CTDSPL2: variants seen among roughly 807,000 people sequenced by gnomAD.
The protein encoded by CTDSPL2 is CTD small phosphatase like 2, also known as CTD small phosphatase-like protein 2.
Under a neutral mutation model 60.0 loss-of-function variants are expected in CTDSPL2, and 5 were observed. That is an observed-to-expected ratio of 0.08 (90% CI 0.04 to 0.18). The LOEUF is 0.18. CTDSPL2 is among the 10% of genes least tolerant of loss of function. The pLI is 1.00. For missense variants in CTDSPL2, 370 were observed against 548.8 expected (o/e 0.67, Z 3.26); for synonymous variants, 186 against 189.3 (o/e 0.98, Z 0.14).
At chr15:44,483,928 T>A (rs1011990891) in intron 2 of CTDSPL2, among the ~76,000 whole-genome samples, 3 of 152,174 alleles carry the variant, frequency 2.0e-5, no homozygotes, top group Admixed American at 6.5e-5. Flanking sequence ...TTTTGAAGAT[T>A]CAGAGCACAT....
chr15:44,456,938 G>A (rs978653913), intron 1 of CTDSPL2, among the ~76,000 whole-genome samples: 11 of 148,074 alleles, frequency 7.4e-5, no homozygotes, highest in African/African-American at 2.8e-4. Flanking sequence ...GTGCAGTGGC[G>A]CGGTATTGGC....
intron 1 of CTDSPL2, among the ~76,000 whole-genome samples, chr15:44,429,870 A>G (rs1479746411): frequency 1.3e-5 from 2 of 152,354 alleles, no homozygotes; most frequent in East Asian, 3.9e-4. Flanking sequence ...CGTCTCAAAA[A>G]AAAAGAATGT....
At chr15:44,428,642 G>T (rs117748485) in intron 1 of CTDSPL2, among the ~76,000 whole-genome samples, 2 of 152,312 alleles carry the variant, frequency 1.3e-5, no homozygotes, top group Non-Finnish European at 2.9e-5. Flanking sequence ...GTTCCTCCGA[G>T]GCAGGGATTT....
intron 1 of CTDSPL2, among the ~76,000 whole-genome samples, chr15:44,454,042 A>G (rs1473745249): frequency 1.3e-5 from 2 of 152,234 alleles, no homozygotes; most frequent in Non-Finnish European, 2.9e-5. Context: ...AGTCCCAGCA[A>G]CAGTGTAAAA....
At chr15:44,488,643 C>G (rs550697540) in intron 4 of CTDSPL2, among the ~76,000 whole-genome samples, 2 of 152,192 alleles carry the variant, frequency 1.3e-5, no homozygotes, top group African/African-American at 4.8e-5. Flanking sequence ...AGAAACCTAT[C>G]TCTACTAAAA....
chr15:44,520,144 TTTTG>T (rs901755661), intron 11 of CTDSPL2: 1 of 150,962 alleles, frequency 6.6e-6, no homozygotes, highest in Non-Finnish European at 1.5e-5. Context: ...TTTTTCTTTT[TTTTG>T]TTTTCCTTTT....
chr15:44,496,431 A>C lies in CTDSPL2; in HGVS notation c.743A>C (p.Tyr248Ser). 1 of 1,613,898 alleles carries C rather than the reference A, an allele frequency of 6.2e-7. No homozygotes were observed. The highest frequency in any genetic ancestry group is 8.5e-7 in the Non-Finnish European group (1 of 1,179,830). The change falls in exon 6 of 13, where the codon TAT becomes TCT. Residue 248 changes from tyrosine (Y) to serine (S), a missense_variant. Transcript: ENST00000260327. Reference protein sequence around the residue: ...GYSSAHAEATYEEDWEVFDPY... With the variant: ...GYSSAHAEATSEEDWEVFDPY... ...TCATCAGCCCACGCGGAGGCCACCT[A>C]TGAAGAAGACTGGGAAGTATTTGAC...
intron 7 of CTDSPL2, among the ~76,000 whole-genome samples, chr15:44,498,460 C>A (rs371978051): frequency 6.6e-6 from 1 of 152,106 alleles, no homozygotes; most frequent in Non-Finnish European, 1.5e-5. Context: ...GTGTTGCAAG[C>A]GTGTAGTCCC....
chr15:44,476,822 T>G (rs150208928), intron 2 of CTDSPL2, among the ~76,000 whole-genome samples: 2 of 152,342 alleles, frequency 1.3e-5, no homozygotes, highest in East Asian at 3.9e-4. Context: ...ATGCATTACT[T>G]TATATAGAAA....
At chr15:44,471,986 A>G (rs1411300640) in intron 2 of CTDSPL2, among the ~76,000 whole-genome samples, 1 of 151,182 alleles carries the variant, frequency 6.6e-6, no homozygotes, top group African/African-American at 2.4e-5. Context: ...AAAAAAAAAG[A>G]GAAAAAACAA....
Position 44,519,244 on chromosome 15 carries a change from T to G in CTDSPL2, c.1188T>G (p.Asp396Glu). 6.4e-7 allele frequency: 1 copy of G among 1,566,084 alleles called. No homozygotes were observed. Among genetic ancestry groups the G allele is most frequent in the Non-Finnish European group, 8.6e-7 (1 of 1,162,858 alleles). ...AGGACTTAAATATTCTTGGAAGAGATCTTTCAAAAACTATAATAATTGACA... is the reference window on the plus strand; with the variant it reads ...AGGACTTAAATATTCTTGGAAGAGAGCTTTCAAAAACTATAATAATTGACA... ...YIKDLNILGR[D>E]LSKTIIIDNS... Residue 396 changes from aspartate to glutamate, a missense_variant, in exon 11 of 13, where the codon GAT becomes GAG. By Grantham distance (45) the Asp-to-Glu change is conservative. This residue lies in a region of CTDSPL2 where 46 missense variants were observed against 126.0 expected (regional missense o/e 0.37). Coordinates refer to ENST00000260327, the MANE Select transcript of CTDSPL2 (RefSeq NM_016396.3).
chr15:44,469,008 C>T (rs968077362), intron 2 of CTDSPL2, among the ~76,000 whole-genome samples: 3 of 152,190 alleles, frequency 2.0e-5, no homozygotes, highest in African/African-American at 7.2e-5. Flanking sequence ...TGTTTGTATT[C>T]AATTAATCCT....
rs1217932166 is a variant in CTDSPL2, at chr15:44,484,309, A to G, written c.272A>G (p.Glu91Gly). The change falls in exon 3 of 13, where the codon GAA becomes GGA. Residue 91 changes from glutamate (E) to glycine (G), a missense_variant. Glu to Gly is a moderately conservative substitution (Grantham distance 98). Coordinates refer to ENST00000260327, the MANE Select transcript of CTDSPL2 (RefSeq NM_016396.3). The stretch of plus-strand genomic sequence containing the variant: ...ATCACGTCAACACCAAGAGCAGGAG[A>G]AAAACCTAACAAACAGATATCTCGA... ...NLITSTPRAG[E>G]KPNKQISRVR... 1.9e-6 allele frequency: 3 copies of G among 1,613,914 alleles called. No homozygotes were observed. The highest frequency in any genetic ancestry group is 2.5e-6 in the Non-Finnish European group (3 of 1,179,804).
chr15:44,524,104 C>T lies in CTDSPL2; in HGVS notation c.1336-5C>T, dbSNP rs771712168. 1.7e-5 allele frequency: 27 copies of T among 1,612,694 alleles called. No homozygotes were observed. The highest frequency in any genetic ancestry group is 5.5e-5 in the South Asian group (5 of 91,014). On this transcript the variant is annotated splice_region_variant and splice_polypyrimidine_tract_variant and intron_variant, in intron 12 of 12. Coordinates refer to ENST00000260327, the MANE Select transcript of CTDSPL2 (RefSeq NM_016396.3). ...CTTTTTAAAAATTGTCTTTTTTCCA[C>T]GCAGAATGAAGATGTTCGACCACAC...
chr15:44,495,997 A>G (rs1035404693), intron 5 of CTDSPL2, among the ~76,000 whole-genome samples: 2 of 152,182 alleles, frequency 1.3e-5, no homozygotes, highest in South Asian at 2.1e-4. Context: ...GACTGCGTGT[A>G]TGTACAAGGC....
At chr15:44,433,040 G>T (rs2079892913) in intron 1 of CTDSPL2, among the ~76,000 whole-genome samples, 1 of 152,040 alleles carries the variant, frequency 6.6e-6, no homozygotes, top group African/African-American at 2.4e-5. Context: ...AACAGGCTGG[G>T]CTTGGTGGCT....
intron 8 of CTDSPL2, among the ~76,000 whole-genome samples, chr15:44,506,911 C>A (rs530794559): frequency 2.0e-5 from 3 of 151,806 alleles, no homozygotes; most frequent in Non-Finnish European, 2.9e-5. Context: ...GGACTACAGG[C>A]GCCTGCCACT....
At chr15:44,440,199 GT>G (rs34781077) in intron 1 of CTDSPL2, among the ~76,000 whole-genome samples, 7,670 of 140,604 alleles carry the variant, frequency 0.055, 231 homozygotes, top group Non-Finnish European at 0.068. Context: ...TTGTTTTTGT[GT>G]TTTTTTTTTT....
intron 2 of CTDSPL2, among the ~76,000 whole-genome samples, chr15:44,472,960 C>G (rs1174150038): frequency 6.6e-6 from 1 of 152,166 alleles, no homozygotes; most frequent in Non-Finnish European, 1.5e-5. Context: ...TGCGCCAGGC[C>G]TAATTTTTGT....
Sources: allele counts gnomAD v4.1 joint callset (sites outside exome capture counted in the v4.1 genomes callset), GRCh38; gene constraint gnomAD v4.1.1; regional missense constraint gnomAD v4.1.1; transcripts MANE v1.5; gene names NCBI Gene and HGNC (gene_info 2026-07-23, HGNC 2026-07-21).